The following ZFP1 variants were observed in gnomAD, a reference collection of about 807,000 sequenced individuals.
ZFP1 encodes the protein zinc finger protein 1 homolog.
In ZFP1, 32 loss-of-function variants were observed where a neutral mutation model predicts 38.5. The ratio of observed to expected loss-of-function variants is 0.83; its 90% confidence interval spans 0.63 to 1.12. ZFP1 has a LOEUF of 1.12. Ranked by LOEUF, ZFP1 falls within the 50% of genes most tolerant of loss-of-function variation. ZFP1 has a pLI of 0.00. For synonymous variants in ZFP1, 245 were observed against 168.8 expected, an observed-to-expected ratio of 1.45 and a Z score of -3.50; for missense variants, 616 against 480.8, an observed-to-expected ratio of 1.28 and a Z score of -2.63.
chr16:75,147,618 T>C (rs887153337), upstream of ZFP1, among the ~76,000 whole-genome samples: 1 of 152,116 alleles, frequency 6.6e-6, no homozygotes, highest in Non-Finnish European at 1.5e-5. Flanking sequence ...GGTTCACCAA[T>C]TGTAACAAAT....
intron 2 of ZFP1, among the ~76,000 whole-genome samples, chr16:75,160,985 G>A (rs1036842590): frequency 6.6e-6 from 1 of 152,012 alleles, no homozygotes; most frequent in Non-Finnish European, 1.5e-5. Flanking sequence ...TTTTAGAGAG[G>A]ACAAAAATAC....
intron 2 of ZFP1, 120 bp from the exon 3 acceptor site, chr16:75,166,650 A>C: frequency 6.5e-7 from 1 of 1,549,724 alleles, no homozygotes. Flanking sequence ...AAAAACAGTG[A>C]ACAAGATGTA....
intron 2 of ZFP1, among the ~76,000 whole-genome samples, chr16:75,162,065 G>A (rs1225070535): frequency 2.6e-5 from 4 of 151,500 alleles, no homozygotes; most frequent in South Asian, 2.1e-4. Context: ...GATCACAGGC[G>A]TGAACCACCG....
the ZFP1 span, among the ~76,000 whole-genome samples, chr16:75,120,739 C>T: frequency 1.3e-5 from 2 of 151,784 alleles, no homozygotes; most frequent in Admixed American, 6.6e-5. Context: ...GTAGCTGGGA[C>T]TACAAGCGCC....
At chr16:75,141,196 T>C in the ZFP1 span, among the ~76,000 whole-genome samples, 1 of 23,056 alleles carries the variant, frequency 4.3e-5, no homozygotes, top group Non-Finnish European at 7.9e-5. Flanking sequence ...TGGGTCATTC[T>C]TTTTTTTTTT....
chr16:75,163,436 TGAGTA>T (rs1271264355), intron 2 of ZFP1, among the ~76,000 whole-genome samples: 1 of 151,622 alleles, frequency 6.6e-6, no homozygotes, highest in Non-Finnish European at 1.5e-5. Flanking sequence ...CTCAGCCTCC[TGAGTA>T]GCTGAGACTA....
chr16:75,127,462 A>G, the ZFP1 span, among the ~76,000 whole-genome samples: 2 of 152,300 alleles, frequency 1.3e-5, no homozygotes, highest in East Asian at 1.9e-4. Flanking sequence ...CTGGGACTGC[A>G]GGCATGTACC....
chr16:75,132,169 C>T, the ZFP1 span, among the ~76,000 whole-genome samples: 1 of 152,142 alleles, frequency 6.6e-6, no homozygotes, highest in African/African-American at 2.4e-5. Context: ...GGGGAGATCA[C>T]TTGAGGTCAG....
chr16:75,148,827 C>T (rs2037017405), intron 1 of ZFP1, 184 bp downstream of exon 1: 1 of 152,276 alleles, frequency 6.6e-6, no homozygotes, highest in Non-Finnish European at 1.5e-5. Context: ...CGGGGCACGC[C>T]TGGCCGAACG....
At chr16:75,146,088 G>C (rs1313016370), upstream of ZFP1, among the ~76,000 whole-genome samples, 1 of 152,080 alleles carries the variant, frequency 6.6e-6, no homozygotes, top group East Asian at 1.9e-4. Context: ...GCCACGACAA[G>C]TCCCGCGAAG....
intron 2 of ZFP1, among the ~76,000 whole-genome samples, chr16:75,153,889 TC>T (rs1441715114): frequency 2.6e-5 from 4 of 152,228 alleles, no homozygotes; most frequent in Non-Finnish European, 1.5e-5. Context: ...CACTGATCTT[TC>T]TACTGTCTCA....
At chr16:75,138,568 CA>C in the ZFP1 span, among the ~76,000 whole-genome samples, 1 of 152,180 alleles carries the variant, frequency 6.6e-6, no homozygotes, top group African/African-American at 2.4e-5. Context: ...ACCTTATTTG[CA>C]AATAGTGATT....
chr16:75,129,673 G>A, the ZFP1 span, among the ~76,000 whole-genome samples: 49 of 152,286 alleles, frequency 3.2e-4, no homozygotes, highest in East Asian at 9.3e-3. Flanking sequence ...GATGTCTCAT[G>A]TTTCCCTAAA....
chr16:75,165,097 G>A (rs566367870), intron 2 of ZFP1, among the ~76,000 whole-genome samples: 23 of 151,976 alleles, frequency 1.5e-4, no homozygotes, highest in Middle Eastern at 6.8e-3. Context: ...GAACCATCGC[G>A]CCCGGCCTCC....
At chr16:75,121,085 AG>A in the ZFP1 span, among the ~76,000 whole-genome samples, 6 of 152,226 alleles carry the variant, frequency 3.9e-5, no homozygotes, top group Non-Finnish European at 2.9e-5. Context: ...CTCTGCCCAG[AG>A]CTCAGAGATC....
At chr16:75,159,560 A>C (rs2037660208) in intron 2 of ZFP1, among the ~76,000 whole-genome samples, 1 of 150,482 alleles carries the variant, frequency 6.6e-6, no homozygotes, top group African/African-American at 2.5e-5. Context: ...GACATGTGCC[A>C]CTATGCCCGG....
At chr16:75,159,060 C>G (rs975157568) in intron 2 of ZFP1, among the ~76,000 whole-genome samples, 1 of 151,930 alleles carries the variant, frequency 6.6e-6, no homozygotes, top group Admixed American at 6.6e-5. Context: ...TTATGCCCAG[C>G]TAATTTTTGT....
the ZFP1 span, among the ~76,000 whole-genome samples, chr16:75,123,311 G>C: frequency 6.6e-6 from 1 of 150,742 alleles, no homozygotes; most frequent in African/African-American, 2.4e-5. Flanking sequence ...CCAAGATCAT[G>C]CCACTGCACT....
the ZFP1 span, among the ~76,000 whole-genome samples, chr16:75,139,310 A>C: frequency 7.7e-6 from 1 of 130,458 alleles, no homozygotes; most frequent in African/African-American, 2.8e-5. Context: ...CGGAGCTTGC[A>C]GTGAGCCGAG....
Sources: gnomAD v4.1 joint callset for allele counts (sites outside exome capture counted in the v4.1 genomes callset) on GRCh38, gnomAD v4.1.1 for gene constraint, MANE v1.5 for transcripts, NCBI Gene and HGNC (gene_info 2026-07-23, HGNC 2026-07-21) for gene names.